Variants in SLC39A11 observed in about 807,000 individuals in gnomAD.
SLC39A11 encodes the protein solute carrier family 39 member 11.
A neutral mutation model predicts 36.1 loss-of-function variants in SLC39A11; 33 were observed. That is an observed-to-expected ratio of 0.91 (90% confidence interval 0.69 to 1.22). SLC39A11 has a LOEUF of 1.22. Among genes scored for constraint, SLC39A11 ranks in the 50% most tolerant of loss-of-function variants. The pLI is 0.00. For missense variants in SLC39A11, 432 were observed against 430.3 expected (o/e 1.00, Z -0.03); for synonymous variants, 166 against 170.3 (o/e 0.97, Z 0.20).
chr17:72,806,490 C>T (rs761434259), intron 6 of SLC39A11, among the ~76,000 whole-genome samples: 5 of 152,118 alleles, frequency 3.3e-5, no homozygotes, highest in African/African-American at 7.2e-5. Context: ...ATCTTGGCAA[C>T]GGTCCCTTTT....
In SLC39A11 at chr17:72,873,262, C is replaced by T. The variant is rs150561428; in HGVS notation, c.431-23458G>A. The stretch of plus-strand genomic sequence containing the variant: ...TGGGAAACCTATACCAAGAAACTGA[C>T]TCAGCTGGGTCCTGTGACCTCTACC... On this transcript the variant is annotated intron_variant, in intron 5 of 9. Coordinates refer to ENST00000255559, the MANE Select transcript of SLC39A11 (RefSeq NM_139177.4). 1.4e-3 allele frequency among the ~76,000 whole-genome samples: 211 copies of T among 152,146 alleles called. 2 individuals are homozygous for T. Among genetic ancestry groups the T allele is most frequent in the African/African-American group, 4.8e-3 (199 of 41,518 alleles).
chr17:72,905,135 T>TG (rs2147002607), intron 5 of SLC39A11, among the ~76,000 whole-genome samples: 1 of 117,908 alleles, frequency 8.5e-6, no homozygotes, highest in East Asian at 3.0e-4. Flanking sequence ...ATCGCACCAC[T>TG]GCACTCCAGC....
chr17:72,913,269 C>T (rs992625749), intron 5 of SLC39A11, among the ~76,000 whole-genome samples: 1 of 152,038 alleles, frequency 6.6e-6, no homozygotes, highest in African/African-American at 2.4e-5. Context: ...GAAGTCGACA[C>T]AGCGGACACT....
intron 6 of SLC39A11, among the ~76,000 whole-genome samples, chr17:72,787,315 T>G (rs1270077181): frequency 5.3e-5 from 7 of 131,300 alleles, no homozygotes; most frequent in African/African-American, 2.0e-4. Context: ...TGGATGGCAG[T>G]GGCGCAATCT....
chr17:72,781,134 T>G (rs1369334138), intron 6 of SLC39A11, among the ~76,000 whole-genome samples: 1 of 152,220 alleles, frequency 6.6e-6, no homozygotes, highest in Non-Finnish European at 1.5e-5. Flanking sequence ...TTACCATCAC[T>G]AAAGTGAACA....
chr17:72,882,204 A>G (rs1244308609), intron 5 of SLC39A11, among the ~76,000 whole-genome samples: 1 of 151,846 alleles, frequency 6.6e-6, no homozygotes, highest in Admixed American at 6.6e-5. Flanking sequence ...AATACAAAAA[A>G]CTGTAGCCAG....
rs1395017168 is a variant in SLC39A11, at chr17:72,964,995, C to A, written c.307-17120G>T. On this transcript the variant is annotated intron_variant, in intron 4 of 9. Transcript: ENST00000255559. ...GAAACCATCATTCTCAGCAAACTAT[C>A]ACAAGGACAAAAAACCAAACACTGC... is the stretch of plus-strand genomic sequence containing the variant. Among the ~76,000 whole-genome samples the A allele has an allele frequency of 2.0e-5, 3 of 151,684 alleles. No individual in the cohort carries two copies. The East Asian group carries it at 5.8e-4, about 29-fold the overall frequency.
Position 72,701,610 on chromosome 17 carries a change from C to T in SLC39A11, c.671+35040G>A, listed in dbSNP as rs141193230. 3.0e-3 allele frequency among the ~76,000 whole-genome samples: 447 copies of T among 151,498 alleles called. 11 individuals are homozygous for T. The East Asian group carries it at 0.067, about 23-fold the overall frequency. Reference sequence around the variant, plus strand: ...AGGTGTGGTGGTGCATGCCTGTAGTCCCAGCTACTGGGGAGGCTGAAGCAC... The same window carrying T: ...AGGTGTGGTGGTGCATGCCTGTAGTTCCAGCTACTGGGGAGGCTGAAGCAC... On this transcript the variant is annotated intron_variant, in intron 7 of 9. Transcript: ENST00000255559.
chr17:72,972,800 T>C (rs1359780985), intron 4 of SLC39A11, among the ~76,000 whole-genome samples: 1 of 152,202 alleles, frequency 6.6e-6, no homozygotes, highest in East Asian at 1.9e-4. Context: ...TGGAAATCAC[T>C]GTGGTCATCA....
intron 3 of SLC39A11, among the ~76,000 whole-genome samples, chr17:73,051,583 C>T (rs1185409897): frequency 2.0e-5 from 3 of 150,778 alleles, no homozygotes; most frequent in African/African-American, 4.9e-5. Flanking sequence ...TCAGGCCAGT[C>T]GCCGTGGTTC....
chr17:72,864,030 GC>G (rs1334280915), intron 5 of SLC39A11, among the ~76,000 whole-genome samples: 1 of 151,958 alleles, frequency 6.6e-6, no homozygotes. Flanking sequence ...CCATACTCAA[GC>G]AAAAAGCAAC....
intron 3 of SLC39A11, among the ~76,000 whole-genome samples, chr17:73,045,386 TA>T (rs374832995): frequency 0.11 from 4,754 of 41,476 alleles, 92 homozygotes; most frequent in Non-Finnish European, 0.13. Flanking sequence ...AAAACAGAGT[TA>T]AAAAAAAAAA....
chr17:73,068,193 C>A, intron 3 of SLC39A11: 1 of 1,175,328 alleles, frequency 8.5e-7, no homozygotes, highest in South Asian at 1.4e-5. Context: ...GACGGGGGCT[C>A]CAGAGTGGTT....
intron 4 of SLC39A11, among the ~76,000 whole-genome samples, chr17:72,966,694 C>T (rs113874801): frequency 1.3e-5 from 2 of 152,224 alleles, no homozygotes; most frequent in Non-Finnish European, 2.9e-5. Context: ...CTCAGCCTCC[C>T]GAGTAGCTGG....
intron 7 of SLC39A11, among the ~76,000 whole-genome samples, chr17:72,649,637 TC>T (rs1189785994): frequency 2.3e-4 from 31 of 134,918 alleles, no homozygotes; most frequent in Middle Eastern, 3.9e-3. Context: ...TTTCTTTTTT[TC>T]TTTTTCTTTT....
intron 3 of SLC39A11, among the ~76,000 whole-genome samples, chr17:73,036,754 A>T (rs1185881582): frequency 6.6e-6 from 1 of 152,118 alleles, no homozygotes; most frequent in Non-Finnish European, 1.5e-5. Context: ...GCTGGTCCAT[A>T]GTTTCCATTA....
chr17:72,766,548 G>C (rs1277264950), intron 6 of SLC39A11, among the ~76,000 whole-genome samples: 1 of 152,058 alleles, frequency 6.6e-6, no homozygotes, highest in Non-Finnish European at 1.5e-5. Flanking sequence ...TCCAGCCTTG[G>C]GGCCCTACTT....
intron 6 of SLC39A11, among the ~76,000 whole-genome samples, chr17:72,833,645 A>G (rs1048241256): frequency 2.6e-5 from 4 of 152,206 alleles, no homozygotes; most frequent in African/African-American, 9.7e-5. Context: ...AGAGGGGCTA[A>G]GCTGACATAG....
intron 3 of SLC39A11, among the ~76,000 whole-genome samples, chr17:73,036,357 C>T (rs867549923): frequency 6.6e-6 from 1 of 152,156 alleles, no homozygotes; most frequent in South Asian, 2.1e-4. Context: ...AACATCACAC[C>T]ACAGTGGTAC....
Sources: gnomAD v4.1 joint callset for allele counts (sites outside exome capture counted in the v4.1 genomes callset) on GRCh38, gnomAD v4.1.1 for gene constraint, MANE v1.5 for transcripts, NCBI Gene and HGNC (gene_info 2026-07-23, HGNC 2026-07-21) for gene names.